CUX2: variants seen among roughly 807,000 people sequenced by gnomAD.
CUX2 encodes the protein cut like homeobox 2.
Under a neutral mutation model 144.8 loss-of-function variants are expected in CUX2, and 40 were observed. The ratio of observed to expected loss-of-function variants is 0.28; its 90% confidence interval spans 0.21 to 0.36. The LOEUF (loss-of-function observed/expected upper bound fraction) is 0.36, where lower values mean the gene tolerates loss of function less well. Among genes scored for constraint, CUX2 ranks in the 10% least tolerant of loss-of-function variants. The probability of loss-of-function intolerance (pLI) is 1.00; values close to 1 mark genes in which losing one functional copy is unlikely to be tolerated. For missense variants in CUX2, 1,615 were observed against 1,994.0 expected (o/e 0.81, Z 3.62); for synonymous variants, 827 against 875.6 (o/e 0.94, Z 0.98).
At position 111,310,534 on chromosome 12, in the gene CUX2, G is replaced by A. The variant is rs539297356; in HGVS notation, c.1752G>A (p.Ser584=). The A allele has an allele frequency of 1.1e-5, 17 of 1,614,042 alleles. No homozygotes were observed. The highest frequency in any genetic ancestry group is 5.0e-5 in the Admixed American group (3 of 60,030). The stretch of plus-strand genomic sequence containing the variant: ...TTGGGCATTACGTGCTGGGGCTGTC[G>A]CAGGGCTCGGTCAGCGAGATCCTAG... The part of the protein sequence containing the change: ...RVFGHYVLGL[S]QGSVSEILAR... The change falls in exon 15 of 22, where the codon TCG becomes TCA. Residue 584 remains serine (S), a synonymous_variant. Transcript: ENST00000261726. The surrounding 1 kb of genome is among the most constrained non-coding windows in gnomAD (Gnocchi z 7.9).
chr12:111,071,249 C>T (rs1001638624), intron 1 of CUX2, among the ~76,000 whole-genome samples: 1 of 152,168 alleles, frequency 6.6e-6, no homozygotes, highest in Non-Finnish European at 1.5e-5. Flanking sequence ...GCAATGAATG[C>T]GTGTTCCTGT....
chr12:111,164,954 G>T (rs534667222), intron 1 of CUX2, among the ~76,000 whole-genome samples: 3 of 152,254 alleles, frequency 2.0e-5, no homozygotes, highest in South Asian at 2.1e-4. Flanking sequence ...GCCAGCCATG[G>T]GGGGGAGAGG....
chr12:111,296,004 T>C (rs1480095350), intron 7 of CUX2, among the ~76,000 whole-genome samples: 1 of 152,144 alleles, frequency 6.6e-6, no homozygotes, highest in African/African-American at 2.4e-5. Context: ...CGCTCGTTCA[T>C]TGTAACACAT....
At chr12:111,124,502 C>G (rs907042998) in intron 1 of CUX2, among the ~76,000 whole-genome samples, 1 of 152,154 alleles carries the variant, frequency 6.6e-6, no homozygotes, top group Non-Finnish European at 1.5e-5. Context: ...CTCCTATGAC[C>G]TACAGTCAAA....
chr12:111,319,983 C>T, intron 16 of CUX2, 29 bp from the exon 17 acceptor site: 1 of 1,452,096 alleles, frequency 6.9e-7, no homozygotes, highest in African/African-American at 1.5e-5. Context: ...GACCCTGGGC[C>T]TCGGGCCGTC....
intron 1 of CUX2, among the ~76,000 whole-genome samples, chr12:111,197,960 G>C (rs1174583649): frequency 6.6e-6 from 1 of 152,150 alleles, no homozygotes; most frequent in Non-Finnish European, 1.5e-5. Context: ...CTTTCATCTG[G>C]AATTTCCTGC....
chr12:111,292,316 G>A (rs183356795), intron 5 of CUX2, among the ~76,000 whole-genome samples: 8 of 152,116 alleles, frequency 5.3e-5, no homozygotes, highest in African/African-American at 1.9e-4. Context: ...TGCTGGCCAG[G>A]TGCAGTGGCT....
intron 3 of CUX2, among the ~76,000 whole-genome samples, chr12:111,248,365 C>T (rs1393956852): frequency 3.3e-5 from 5 of 152,182 alleles, no homozygotes; most frequent in Non-Finnish European, 7.3e-5. Flanking sequence ...TTCCTGCAGG[C>T]ACCGCAAATG....
rs185880904 is a variant in CUX2, at chr12:111,056,861, G to A, written c.63+22621G>A. On this transcript the variant is annotated intron_variant, in intron 1 of 21. Coordinates refer to ENST00000261726, the MANE Select transcript of CUX2 (RefSeq NM_015267.4). ...CTGGTTGTGACAGGCTGTAAAGGGA[G>A]CCAGTGCGGCAGGAAGTGGCTGAGC... Among the ~76,000 whole-genome samples the A allele has an allele frequency of 1.3e-3, 193 of 152,350 alleles. No individual in the cohort carries two copies. The Middle Eastern group carries it at 0.024, about 19-fold the overall frequency.
chr12:111,101,139 C>T (rs1566220768), intron 1 of CUX2, among the ~76,000 whole-genome samples: 2 of 152,168 alleles, frequency 1.3e-5, no homozygotes, highest in Admixed American at 6.5e-5. Flanking sequence ...GACACGAATG[C>T]GCTTTTTCAA....
rs557540628 is a variant in CUX2 at position 111,037,162 on chromosome 12, G to A, written c.63+2922G>A. On this transcript the variant is annotated intron_variant, in intron 1 of 21. Transcript: ENST00000261726. This position sits in a 1 kb window ranked among gnomAD's most constrained non-coding sequence, Gnocchi z 5.4. ...AGCCCCAGGCAGCCGGAGAGCCGGG[G>A]TCCCGCGTCCCGAGGCTGAGCTGCC... is the stretch of plus-strand genomic sequence containing the variant. Among the ~76,000 whole-genome samples the A allele has an allele frequency of 3.4e-4, 52 of 152,314 alleles. No individual in the cohort carries two copies. The highest frequency in any genetic ancestry group is 1.1e-3 in the African/African-American group (45 of 41,566).
At chr12:111,200,775 G>A (rs564310736) in intron 1 of CUX2, among the ~76,000 whole-genome samples, 8 of 152,266 alleles carry the variant, frequency 5.3e-5, no homozygotes, top group South Asian at 2.1e-4. Flanking sequence ...CATTTAGTTC[G>A]ACCTCTCATT....
chr12:111,166,908 G>A (rs1334488617), intron 1 of CUX2, among the ~76,000 whole-genome samples: 1 of 152,218 alleles, frequency 6.6e-6, no homozygotes, highest in Non-Finnish European at 1.5e-5. Flanking sequence ...TTGGCCACTT[G>A]CCCCTTGGCA....
intron 1 of CUX2, among the ~76,000 whole-genome samples, chr12:111,164,137 G>A (rs1877967484): frequency 6.6e-6 from 1 of 152,140 alleles, no homozygotes; most frequent in South Asian, 2.1e-4. Context: ...ATACTACCTG[G>A]AAACTGAACT....
chr12:111,138,148 G>A (rs1876042374), intron 1 of CUX2, among the ~76,000 whole-genome samples: 1 of 152,232 alleles, frequency 6.6e-6, no homozygotes, highest in African/African-American at 2.4e-5. Context: ...GGAGGGGCTT[G>A]GCATGAGGAC....
rs1459520664 is a variant in CUX2 at position 111,261,987 on chromosome 12, CT to C, written c.223-1767del. On this transcript the variant is annotated intron_variant, in intron 3 of 21. Transcript: ENST00000261726. ...TTTTCCCTTTGTCTAGCTTCTAGAACTTTTTTTCTGCCCTCCCCCAAGTGAC... is the reference window on the plus strand; with the variant it reads ...TTTTCCCTTTGTCTAGCTTCTAGAACTTTTTTCTGCCCTCCCCCAAGTGAC... 3.9e-5 allele frequency among the ~76,000 whole-genome samples: 6 copies of C among 152,276 alleles called. No individual in the cohort carries two copies. The East Asian group carries it at 1.2e-3, about 29-fold the overall frequency.
chr12:111,217,579 A>G (rs1343112683), intron 2 of CUX2, among the ~76,000 whole-genome samples: 1 of 152,198 alleles, frequency 6.6e-6, no homozygotes, highest in Non-Finnish European at 1.5e-5. Flanking sequence ...ATTTCGCATA[A>G]AAGACCATTC....
chr12:111,109,279 G>T (rs892783896), intron 1 of CUX2, among the ~76,000 whole-genome samples: 3 of 152,184 alleles, frequency 2.0e-5, no homozygotes, highest in Non-Finnish European at 4.4e-5. Context: ...CAAAAGGGAA[G>T]ATAGATGCTT....
In CUX2 at chr12:111,065,982, T is replaced by C. The variant is rs567436940; in HGVS notation, c.63+31742T>C. The stretch of plus-strand genomic sequence containing the variant: ...GCGAGTGCAGGATTATGGTTATACA[T>C]TCTCAGGGGAAGCTACCTTTTGGTT... On this transcript the variant is annotated intron_variant, in intron 1 of 21. Coordinates refer to ENST00000261726, the MANE Select transcript of CUX2 (RefSeq NM_015267.4). Among the ~76,000 whole-genome samples, 13 of 152,368 alleles carry C rather than the reference T, an allele frequency of 8.5e-5. No homozygotes were observed. In the South Asian group the frequency reaches 2.3e-3, roughly 27 times the overall value.
Sources: allele counts gnomAD v4.1 joint callset (sites outside exome capture counted in the v4.1 genomes callset), GRCh38; gene constraint gnomAD v4.1.1; non-coding constraint Gnocchi (gnomAD v3.1); transcripts MANE v1.5; gene names NCBI Gene and HGNC (gene_info 2026-07-23, HGNC 2026-07-21).